The following KCNH7 variants were observed in gnomAD, a reference collection of about 807,000 sequenced individuals.
KCNH7 encodes the protein voltage-gated inwardly rectifying potassium channel KCNH7.
In KCNH7, 49 loss-of-function variants were observed where a neutral mutation model predicts 120.8. The observed-to-expected ratio is 0.41, with a 90% CI of 0.32 to 0.51. The LOEUF (loss-of-function observed/expected upper bound fraction) is 0.51. Ranked by LOEUF, KCNH7 falls within the 20% of genes least tolerant of loss-of-function variation. The pLI is 0.38. For synonymous variants in KCNH7, 547 were observed against 516.1 expected (o/e 1.06, Z -0.81); for missense variants, 1,097 against 1,446.6 (o/e 0.76, Z 3.92).
At chr2:162,421,071 GC>G (rs973068728) in intron 9 of KCNH7, among the ~76,000 whole-genome samples, 3 of 151,740 alleles carry the variant, frequency 2.0e-5, no homozygotes, top group Non-Finnish European at 4.4e-5. Flanking sequence ...CTTGCAGTTT[GC>G]TTACTCACTT....
chr2:162,759,388 G>A (rs193094545), intron 2 of KCNH7, among the ~76,000 whole-genome samples: 3 of 144,744 alleles, frequency 2.1e-5, no homozygotes, highest in East Asian at 1.9e-4. Context: ...AGCACTGAGG[G>A]AGTAAACTTG....
At chr2:162,789,359 A>G (rs1256578379) in intron 2 of KCNH7, among the ~76,000 whole-genome samples, 1 of 152,090 alleles carries the variant, frequency 6.6e-6, no homozygotes, top group African/African-American at 2.4e-5. Context: ...AAGTATATAA[A>G]GCAAAAATTG....
At chr2:162,749,365 C>A (rs549051884) in intron 2 of KCNH7, among the ~76,000 whole-genome samples, 1 of 151,884 alleles carries the variant, frequency 6.6e-6, no homozygotes, top group Non-Finnish European at 1.5e-5. Flanking sequence ...ATTTCTGGAG[C>A]GCAAATTAAA....
chr2:162,470,606 C>A (rs562105786), intron 6 of KCNH7, among the ~76,000 whole-genome samples: 3 of 151,768 alleles, frequency 2.0e-5, no homozygotes, highest in South Asian at 4.2e-4. Context: ...CCGGCCGCCC[C>A]ATCCGGGAGG....
intron 2 of KCNH7, among the ~76,000 whole-genome samples, chr2:162,594,540 T>A (rs1694311681): frequency 6.6e-6 from 1 of 151,640 alleles, no homozygotes; most frequent in African/African-American, 2.4e-5. Context: ...CTCTGATGAA[T>A]AAAGATATAA....
chr2:162,507,049 A>G (rs1452788602), intron 5 of KCNH7, among the ~76,000 whole-genome samples: 1 of 151,830 alleles, frequency 6.6e-6, no homozygotes, highest in Non-Finnish European at 1.5e-5. Flanking sequence ...TGATTTTAAT[A>G]TAAATTGAAA....
chr2:162,518,118 G>A lies in KCNH7; in HGVS notation c.504C>T (p.Leu168=). ...GTGGTAAGGACTGCTTTCTGTAAGT[G>A]AGAACTCTCAGACCAGGGAATTTGA... The part of the protein sequence containing the change: ...FGFKFPGLRV[L]TYRKQSLPQE... The change falls in exon 4 of 16, where the codon CTC becomes CTT. Residue 168 remains leucine (L), a synonymous_variant. Coordinates refer to ENST00000332142, the MANE Select transcript of KCNH7 (RefSeq NM_033272.4). 1 of 1,611,944 alleles carries A rather than the reference G, an allele frequency of 6.2e-7. No individual in the cohort carries two copies. Among genetic ancestry groups the A allele is most frequent in the Admixed American group, 1.7e-5 (1 of 59,914 alleles).
chr2:162,505,791 A>AT (rs956436734), intron 5 of KCNH7, among the ~76,000 whole-genome samples: 8 of 151,792 alleles, frequency 5.3e-5, no homozygotes, highest in African/African-American at 9.7e-5. Flanking sequence ...TGCCTTTGTT[A>AT]TTTTTTTCCC....
At chr2:162,381,935 C>T (rs1686431214) in intron 13 of KCNH7, among the ~76,000 whole-genome samples, 1 of 152,054 alleles carries the variant, frequency 6.6e-6, no homozygotes, top group Admixed American at 6.6e-5. Flanking sequence ...AAGCAAACTT[C>T]CGGAATACCT....
chr2:162,557,052 T>C (rs1420850521), intron 2 of KCNH7, among the ~76,000 whole-genome samples: 4 of 152,200 alleles, frequency 2.6e-5, no homozygotes, highest in African/African-American at 9.7e-5. Flanking sequence ...TTTGTGATTA[T>C]CTCACATGGC....
chr2:162,580,292 A>T (rs1318447480), intron 2 of KCNH7, among the ~76,000 whole-genome samples: 3 of 152,078 alleles, frequency 2.0e-5, no homozygotes, highest in African/African-American at 7.2e-5. Context: ...GAGTGCCTAC[A>T]AAATAACAAG....
rs568760901 is a variant in KCNH7 at position 162,583,309 on chromosome 2, T to A, written c.308-46229A>T. ...CATGCTTTCCATAAAGAGGAAAATT[T>A]AGACATACTTTCAGAGCATGTACAA... On this transcript the variant is annotated intron_variant, in intron 2 of 15. Transcript: ENST00000332142. 2.6e-5 allele frequency among the ~76,000 whole-genome samples: 4 copies of A among 152,172 alleles called. No homozygotes were observed. The East Asian group carries it at 7.8e-4, about 30-fold the overall frequency.
At chr2:162,495,888 T>C (rs1690480450) in intron 6 of KCNH7, among the ~76,000 whole-genome samples, 1 of 152,164 alleles carries the variant, frequency 6.6e-6, no homozygotes, top group Non-Finnish European at 1.5e-5. Context: ...CAACCAAAGC[T>C]AAGCCCCATG....
chr2:162,629,622 T>C (rs778450775), intron 2 of KCNH7, among the ~76,000 whole-genome samples: 1 of 152,132 alleles, frequency 6.6e-6, no homozygotes, highest in Non-Finnish European at 1.5e-5. Flanking sequence ...TGAATGGTGA[T>C]GGTGCTGGAG....
At chr2:162,527,083 T>C (rs1691733223) in intron 3 of KCNH7, among the ~76,000 whole-genome samples, 1 of 151,994 alleles carries the variant, frequency 6.6e-6, no homozygotes, top group South Asian at 2.1e-4. Flanking sequence ...GGCAATTTTC[T>C]TGATCTTAGA....
At chr2:162,728,343 CT>C (rs1166918446) in intron 2 of KCNH7, among the ~76,000 whole-genome samples, 7 of 152,052 alleles carry the variant, frequency 4.6e-5, no homozygotes, top group Admixed American at 3.3e-4. Flanking sequence ...TAAAATGAAG[CT>C]GTTTGAGTGG....
chr2:162,787,070 C>T (rs1252486841), intron 2 of KCNH7, among the ~76,000 whole-genome samples: 2 of 152,200 alleles, frequency 1.3e-5, no homozygotes, highest in African/African-American at 4.8e-5. Flanking sequence ...TAGTGAACCC[C>T]AGTATCAGGC....
At chr2:162,720,820 TTTG>T in intron 2 of KCNH7, among the ~76,000 whole-genome samples, 1 of 152,280 alleles carries the variant, frequency 6.6e-6, no homozygotes, top group South Asian at 2.1e-4. Flanking sequence ...GAGTGACTCC[TTTG>T]TTGAGTTAGA....
chr2:162,471,474 G>A (rs958764476), intron 6 of KCNH7, among the ~76,000 whole-genome samples: 2 of 152,076 alleles, frequency 1.3e-5, no homozygotes, highest in Non-Finnish European at 2.9e-5. Flanking sequence ...CCTTGGAGAT[G>A]GTGTGGGTGA....
Sources: allele counts gnomAD v4.1 joint callset (sites outside exome capture counted in the v4.1 genomes callset), GRCh38; gene constraint gnomAD v4.1.1; transcripts MANE v1.5; gene names NCBI Gene and HGNC (gene_info 2026-07-23, HGNC 2026-07-21).